The following ZNF532 variants were observed in gnomAD, a reference collection of about 807,000 sequenced individuals.
ZNF532 encodes the protein zinc finger protein 532.
Under a neutral mutation model 89.3 loss-of-function variants are expected in ZNF532, and 22 were observed. The ratio of observed to expected loss-of-function variants is 0.25; its 90% CI spans 0.18 to 0.35. The LOEUF is 0.35. ZNF532 is among the 10% of genes least tolerant of loss of function. ZNF532 has a pLI of 1.00. For missense variants in ZNF532, 1,132 were observed against 1,643.4 expected, an observed-to-expected ratio of 0.69 and a Z score of 5.38; for synonymous variants, 606 against 649.6, an observed-to-expected ratio of 0.93 and a Z score of 1.02.
At chr18:58,943,215 A>G (rs113968701) in intron 5 of ZNF532, among the ~76,000 whole-genome samples, 11,688 of 141,588 alleles carry the variant, frequency 0.083, 1,022 homozygotes, top group African/African-American at 0.23. Context: ...GCTGGAGTGC[A>G]GTGGCGCGAT....
intron 2 of ZNF532, among the ~76,000 whole-genome samples, chr18:58,884,019 G>C (rs576763050): frequency 7.0e-6 from 1 of 143,674 alleles, no homozygotes; most frequent in Non-Finnish European, 1.5e-5. Context: ...TCTCTTCCAT[G>C]TTTTCTAATG....
chr18:58,885,896 C>T (rs1309898729), intron 2 of ZNF532, among the ~76,000 whole-genome samples: 1 of 151,938 alleles, frequency 6.6e-6, no homozygotes, highest in Non-Finnish European at 1.5e-5. Flanking sequence ...AAATTTCCCT[C>T]ACCCCGTTTC....
chr18:58,959,365 C>A (rs769968247), intron 7 of ZNF532, among the ~76,000 whole-genome samples: 26 of 151,420 alleles, frequency 1.7e-4, no homozygotes, highest in Admixed American at 3.9e-4. Flanking sequence ...CTCCGCCTCC[C>A]AGGCTTAAGC....
intron 8 of ZNF532, chr18:58,980,564 AAG>A (rs1411809540): frequency 6.6e-6 from 1 of 152,246 alleles, no homozygotes; most frequent in East Asian, 1.9e-4. Context: ...TTGAGACCAC[AAG>A]AGACTTTTTG....
Position 58,893,685 on chromosome 18 carries a change from T to C in ZNF532, c.-17-24586T>C, listed in dbSNP as rs531318036. On this transcript the variant is annotated intron_variant, in intron 2 of 9. Transcript: ENST00000591808. ...AAAAAAAAAAAAGAAAGAAATGAGA[T>C]AATTGGGAAGCTATGTGAATTTTGG... is the stretch of plus-strand genomic sequence containing the variant. 4.7e-4 allele frequency among the ~76,000 whole-genome samples: 71 copies of C among 151,510 alleles called. 2 individuals carry two copies. In the South Asian group the frequency reaches 6.7e-3, roughly 14 times the overall value.
rs553486839 is a variant in ZNF532 at position 58,879,809 on chromosome 18, C to T, written c.-18+14230C>T. ...ATTTTCCTTCGTTCATTCCGTCTTT[C>T]GTCTGTTCTCCTTACAGCCTTGAGC... On this transcript the variant is annotated intron_variant, in intron 2 of 9. Transcript: ENST00000591808. 7.2e-5 allele frequency among the ~76,000 whole-genome samples: 11 copies of T among 152,252 alleles called. No homozygotes were observed. The South Asian group carries it at 1.7e-3, about 23-fold the overall frequency.
At chr18:58,898,017 A>G (rs995976863) in intron 2 of ZNF532, among the ~76,000 whole-genome samples, 1 of 152,210 alleles carries the variant, frequency 6.6e-6, no homozygotes, top group African/African-American at 2.4e-5. Flanking sequence ...CCTTTCAACA[A>G]TTTAAAATTT....
At chr18:58,879,407 A>G (rs1479357003) in intron 2 of ZNF532, among the ~76,000 whole-genome samples, 1 of 151,940 alleles carries the variant, frequency 6.6e-6, no homozygotes, top group Non-Finnish European at 1.5e-5. Context: ...TGCCTTTTTC[A>G]TTTTTTTTGA....
chr18:58,917,512 G>A (rs1316859912), intron 2 of ZNF532, among the ~76,000 whole-genome samples: 1 of 152,110 alleles, frequency 6.6e-6, no homozygotes, highest in African/African-American at 2.4e-5. Flanking sequence ...CTGCGGGTCG[G>A]GGGAAGAGCC....
chr18:58,888,697 TTATATATA>T (rs71336305), intron 2 of ZNF532, among the ~76,000 whole-genome samples: 1 of 45,336 alleles, frequency 2.2e-5, no homozygotes, highest in African/African-American at 1.2e-4. Flanking sequence ...AAAAAAAAAA[TTATATATA>T]TATATATATA....
At chr18:58,867,617 G>A (rs928722163) in intron 2 of ZNF532, among the ~76,000 whole-genome samples, 12 of 152,178 alleles carry the variant, frequency 7.9e-5, no homozygotes, top group African/African-American at 2.4e-4. Flanking sequence ...TCCTGTCACC[G>A]TGGAGCCCAG....
intron 2 of ZNF532, among the ~76,000 whole-genome samples, chr18:58,875,183 T>A (rs1454419288): frequency 6.6e-6 from 1 of 151,980 alleles, no homozygotes; most frequent in Non-Finnish European, 1.5e-5. Flanking sequence ...AATTAAAACT[T>A]TTTTTTCCTG....
At chr18:58,883,121 T>C (rs890208889) in intron 2 of ZNF532, among the ~76,000 whole-genome samples, 4 of 152,224 alleles carry the variant, frequency 2.6e-5, no homozygotes, top group African/African-American at 7.2e-5. Flanking sequence ...TCAGAGGGTT[T>C]CATCCATCCT....
At chr18:58,978,410 A>G (rs1220627089) in intron 7 of ZNF532, among the ~76,000 whole-genome samples, 1 of 152,214 alleles carries the variant, frequency 6.6e-6, no homozygotes, top group Non-Finnish European at 1.5e-5. Flanking sequence ...CAAATTAGGT[A>G]GTGGCTTTAC....
At chr18:58,909,891 T>C (rs1290173528) in intron 2 of ZNF532, among the ~76,000 whole-genome samples, 2 of 152,206 alleles carry the variant, frequency 1.3e-5, no homozygotes, top group African/African-American at 4.8e-5. Flanking sequence ...TCCTTTGTAT[T>C]ATGTCACATA....
intron 2 of ZNF532, among the ~76,000 whole-genome samples, chr18:58,915,170 T>A (rs572191775): frequency 6.6e-6 from 1 of 152,186 alleles, no homozygotes. Flanking sequence ...CCATTAGTTA[T>A]ACAACCCCAG....
chr18:58,934,269 C>T (rs1339769506), intron 3 of ZNF532, 164 bp from the exon 4 acceptor site: 1 of 611,122 alleles, frequency 1.6e-6, no homozygotes, highest in East Asian at 2.7e-5. Context: ...GAATTGTACG[C>T]TGGACATGTA....
At chr18:58,899,878 A>G (rs1424766265) in intron 2 of ZNF532, among the ~76,000 whole-genome samples, 1 of 152,052 alleles carries the variant, frequency 6.6e-6, no homozygotes, top group Non-Finnish European at 1.5e-5. Flanking sequence ...TTGGGGAGAG[A>G]TCTTGATTTC....
rs2060998107 is a variant in ZNF532 at position 58,920,781 on chromosome 18, TGTGTGTGTG to T, written c.2346+149_2346+157del. 8.3e-6 allele frequency: 5 copies of T among 600,098 alleles called. No individual in the cohort carries two copies. The Admixed American group carries it at 1.4e-4, about 16-fold the overall frequency. 37.2% of individuals were successfully genotyped at this position (600,098 alleles called of 1,614,324 possible). On this transcript the variant is annotated intron_variant, in intron 3 of 9. Transcript: ENST00000591808. ...GTGTGTGTGTGTGTGTGTGTGTGTG[TGTGTGTGTG>T]TTTGGGGAGGGGAGGGGGAATGCCT...
Sources: gnomAD v4.1 joint callset for allele counts (sites outside exome capture counted in the v4.1 genomes callset) on GRCh38, gnomAD v4.1.1 for gene constraint, MANE v1.5 for transcripts, NCBI Gene and HGNC (gene_info 2026-07-23, HGNC 2026-07-21) for gene names.